Variants in MAP4K5 observed in about 807,000 individuals in gnomAD.
The protein encoded by MAP4K5 is mitogen-activated protein kinase kinase kinase kinase 5.
MAP4K5 carries 82 observed loss-of-function variants against 135.6 expected under a neutral mutation model. That is an observed-to-expected ratio of 0.60 (90% CI 0.51 to 0.73). The LOEUF is 0.73. MAP4K5 is among the 30% of genes least tolerant of loss of function. MAP4K5 has a pLI of 0.00. For synonymous variants in MAP4K5, 347 were observed against 335.0 expected, an observed-to-expected ratio of 1.04 and a Z score of -0.39; for missense variants, 907 against 1,010.9, an observed-to-expected ratio of 0.90 and a Z score of 1.39.
intron 23 of MAP4K5, among the ~76,000 whole-genome samples, chr14:50,438,709 C>T (rs2036156207): frequency 6.6e-6 from 1 of 152,028 alleles, no homozygotes; most frequent in South Asian, 2.1e-4. Context: ...CACATATACA[C>T]AGTTTTATCC....
chr14:50,458,057 C>T (rs957815968), intron 13 of MAP4K5, among the ~76,000 whole-genome samples: 8 of 152,090 alleles, frequency 5.3e-5, no homozygotes, highest in Non-Finnish European at 7.4e-5. Context: ...TCCGACTTTG[C>T]CCACAAACAC....
At chr14:50,528,013 A>G (rs1035182092) in intron 2 of MAP4K5, among the ~76,000 whole-genome samples, 1 of 152,138 alleles carries the variant, frequency 6.6e-6, no homozygotes, top group African/African-American at 2.4e-5. Context: ...GGTCAGAGGT[A>G]GTTGAGAATC....
At chr14:50,493,030 G>GA (rs1307496107) in intron 3 of MAP4K5, among the ~76,000 whole-genome samples, 56 of 114,790 alleles carry the variant, frequency 4.9e-4, no homozygotes, top group East Asian at 2.0e-3. Context: ...TCAAAAAAAA[G>GA]AAAAAAAAAG....
intron 1 of MAP4K5, among the ~76,000 whole-genome samples, chr14:50,560,840 C>A (rs1472152146): frequency 6.6e-6 from 1 of 152,164 alleles, no homozygotes; most frequent in Non-Finnish European, 1.5e-5. Flanking sequence ...CCCGGACGGA[C>A]GGTAGCAGAC....
intron 10 of MAP4K5, among the ~76,000 whole-genome samples, chr14:50,467,219 G>A (rs1198063127): frequency 3.9e-5 from 6 of 152,038 alleles, no homozygotes; most frequent in Non-Finnish European, 7.4e-5. Flanking sequence ...TAGTATGATA[G>A]AGGATTTAAG....
At chr14:50,431,257 TTTA>T (rs984922287) in intron 28 of MAP4K5, among the ~76,000 whole-genome samples, 1 of 152,050 alleles carries the variant, frequency 6.6e-6, no homozygotes, top group African/African-American at 2.4e-5. Flanking sequence ...TATTTATTTA[TTTA>T]TTATTATTAT....
Position 50,425,940 on chromosome 14 carries a change from A to C in MAP4K5, c.2364T>G (p.His788Gln), listed in dbSNP as rs1424356436. Residue 788 changes from histidine (H) to glutamine (Q), a missense_variant, in exon 31 of 33, where the codon CAT becomes CAG. His to Gln is a conservative substitution (Grantham distance 24). Transcript: ENST00000682126. Reference sequence around the variant, plus strand: ...ACTTGAAGCTTTTACCCTGCATCCCATGTTTCCAGAAAGCCAACACACTGT... The same window carrying C: ...ACTTGAAGCTTTTACCCTGCATCCCCTGTTTCCAGAAAGCCAACACACTGT... Reference protein sequence around the residue: ...LQDSVLAFWKHGMQGKSFKSD... With the variant: ...LQDSVLAFWKQGMQGKSFKSD... 6.2e-7 allele frequency: 1 copy of C among 1,612,970 alleles called. No homozygotes were observed. Among genetic ancestry groups the C allele is most frequent in the East Asian group, 2.2e-5 (1 of 44,820 alleles).
intron 2 of MAP4K5, among the ~76,000 whole-genome samples, chr14:50,518,824 G>A (rs1595540391): frequency 6.6e-6 from 1 of 152,160 alleles, no homozygotes; most frequent in Non-Finnish European, 1.5e-5. Flanking sequence ...ATTATCTGGA[G>A]GTCTTAATGG....
intron 30 of MAP4K5, among the ~76,000 whole-genome samples, chr14:50,427,864 A>T (rs910525648): frequency 5.1e-4 from 77 of 152,256 alleles, no homozygotes; most frequent in African/African-American, 1.8e-3. Flanking sequence ...AGCTATTTAT[A>T]TAAAAATAGT....
intron 11 of MAP4K5, among the ~76,000 whole-genome samples, chr14:50,464,874 C>T (rs868359184): frequency 2.0e-5 from 3 of 152,236 alleles, no homozygotes; most frequent in Middle Eastern, 3.4e-3. Flanking sequence ...CAGACAGTAT[C>T]GGGACTGGCA....
At chr14:50,440,775 G>A (rs1956251) in intron 21 of MAP4K5, among the ~76,000 whole-genome samples, 151,081 of 152,252 alleles carry the variant, frequency 0.99, 74,978 homozygotes, top group Middle Eastern at 1. Flanking sequence ...GAAACAAAAA[G>A]TTAATATAAA....
intron 6 of MAP4K5, among the ~76,000 whole-genome samples, chr14:50,480,803 T>G (rs1417772780): frequency 1.3e-5 from 2 of 152,208 alleles, no homozygotes; most frequent in African/African-American, 4.8e-5. Context: ...CTATTGTTCT[T>G]AAGCTACAAA....
At chr14:50,454,535 T>A (rs1437812332) in intron 14 of MAP4K5, among the ~76,000 whole-genome samples, 1 of 152,062 alleles carries the variant, frequency 6.6e-6, no homozygotes, top group Non-Finnish European at 1.5e-5. Context: ...TGGTAAAACA[T>A]TCCTGATAAA....
intron 21 of MAP4K5, among the ~76,000 whole-genome samples, chr14:50,441,387 G>A (rs1049714245): frequency 7.2e-5 from 11 of 152,064 alleles, no homozygotes; most frequent in African/African-American, 2.4e-4. Flanking sequence ...CTCCTGATAT[G>A]ATGTACTGAG....
chr14:50,551,621 T>C (rs2038703736), intron 1 of MAP4K5, among the ~76,000 whole-genome samples: 1 of 151,852 alleles, frequency 6.6e-6, no homozygotes, highest in Non-Finnish European at 1.5e-5. Context: ...ATGCAAAAAA[T>C]TGTAACAAAA....
At chr14:50,513,600 A>G (rs76892713) in intron 2 of MAP4K5, among the ~76,000 whole-genome samples, 1 of 132,488 alleles carries the variant, frequency 7.5e-6, no homozygotes, top group Non-Finnish European at 1.6e-5. Context: ...AAAAAAAAAA[A>G]CCAGCAAGTA....
intron 11 of MAP4K5, among the ~76,000 whole-genome samples, chr14:50,464,659 A>G (rs2036791352): frequency 6.6e-6 from 1 of 152,242 alleles, no homozygotes; most frequent in African/African-American, 2.4e-5. Context: ...GACATAAATT[A>G]AAGGTATCAC....
At chr14:50,434,638 TAAAG>T in intron 27 of MAP4K5, 67 bp from the exon 28 acceptor site, 6 of 1,409,432 alleles carry the variant, frequency 4.3e-6, no homozygotes, top group Non-Finnish European at 5.8e-6. Flanking sequence ...CACTGTTGAA[TAAAG>T]TCAACAGAAA....
At chr14:50,436,965 C>T (rs1419103776) in intron 26 of MAP4K5, among the ~76,000 whole-genome samples, 2 of 151,688 alleles carry the variant, frequency 1.3e-5, no homozygotes, top group Non-Finnish European at 2.9e-5. Flanking sequence ...ATATTTTTTC[C>T]CTGTTCTAAA....
Sources: allele counts gnomAD v4.1 joint callset (sites outside exome capture counted in the v4.1 genomes callset), GRCh38; gene constraint gnomAD v4.1.1; transcripts MANE v1.5; gene names NCBI Gene and HGNC (gene_info 2026-07-23, HGNC 2026-07-21).